DNAH9: variants seen among roughly 807,000 people sequenced by gnomAD.
DNAH9 encodes the protein DNAH9 variant protein.
A neutral mutation model predicts 471.6 loss-of-function variants in DNAH9; 345 were observed. That is an observed-to-expected ratio of 0.73 (90% CI 0.67 to 0.80). The LOEUF is 0.80. DNAH9 is among the 30% of genes least tolerant of loss of function. The pLI is 0.00. For missense variants in DNAH9, 5,407 were observed against 5,609.2 expected, an observed-to-expected ratio of 0.96 and a Z score of 1.15; for synonymous variants, 2,093 against 2,123.6, an observed-to-expected ratio of 0.99 and a Z score of 0.40.
At chr17:11,694,707 TC>T (rs1468636973) in intron 22 of DNAH9, among the ~76,000 whole-genome samples, 109 of 5,840 alleles carry the variant, frequency 0.019, 43 homozygotes, top group Non-Finnish European at 0.043. Flanking sequence ...GCTTTCTCTC[TC>T]TCTCTCTCTC....
intron 49 of DNAH9, among the ~76,000 whole-genome samples, chr17:11,844,091 A>C (rs1399943057): frequency 1.3e-5 from 2 of 151,454 alleles, no homozygotes; most frequent in East Asian, 3.9e-4. Context: ...AGAATAATAA[A>C]GAAATAAAAC....
At chr17:11,774,433 A>C (rs1968340277) in intron 38 of DNAH9, among the ~76,000 whole-genome samples, 1 of 152,208 alleles carries the variant, frequency 6.6e-6, no homozygotes, top group Admixed American at 6.5e-5. Flanking sequence ...ATGGACTCAC[A>C]GTTCCATATG....
chr17:11,875,263 C>A, intron 53 of DNAH9, 79 bp downstream of exon 53: 1 of 1,185,544 alleles, frequency 8.4e-7, no homozygotes, highest in East Asian at 2.5e-5. Flanking sequence ...ATTTTAAGCC[C>A]AGTGAATGGT....
At chr17:11,748,562 C>A (rs1228808086) in intron 32 of DNAH9, among the ~76,000 whole-genome samples, 11 of 152,100 alleles carry the variant, frequency 7.2e-5, no homozygotes, top group African/African-American at 1.9e-4. Flanking sequence ...TGCTACAGAA[C>A]CTTGTGCGCA....
rs554429555 is a variant in DNAH9 at position 11,868,952 on chromosome 17, C to T, written c.9934-182C>T. Among the ~76,000 whole-genome samples, 65 of 152,196 alleles carry T rather than the reference C, an allele frequency of 4.3e-4. 1 individual carries two copies. Among genetic ancestry groups the T allele is most frequent in the African/African-American group, 1.6e-3 (65 of 41,516 alleles). ...CCAAGATGAAGTCCTTGCTAGGACCCGCCTGAGATCTTCCCCGAATGTGCT... is the reference window on the plus strand; with the variant it reads ...CCAAGATGAAGTCCTTGCTAGGACCTGCCTGAGATCTTCCCCGAATGTGCT... On this transcript the variant is annotated intron_variant, in intron 50 of 68. Transcript: ENST00000262442.
intron 36 of DNAH9, 60 bp downstream of exon 36, chr17:11,763,674 C>G (rs1262443143): frequency 3.6e-5 from 54 of 1,505,006 alleles, no homozygotes; most frequent in Non-Finnish European, 4.3e-5. Flanking sequence ...AAAACTGATC[C>G]TTTAGCAAAG....
chr17:11,940,194 C>T (rs991073983), intron 66 of DNAH9, among the ~76,000 whole-genome samples: 2 of 152,168 alleles, frequency 1.3e-5, no homozygotes, highest in Admixed American at 6.5e-5. Flanking sequence ...CCCTTGGAAC[C>T]CACTCCTCCT....
intron 15 of DNAH9, among the ~76,000 whole-genome samples, chr17:11,667,899 C>T (rs1296656275): frequency 1.3e-5 from 2 of 152,192 alleles, no homozygotes; most frequent in Non-Finnish European, 2.9e-5. Flanking sequence ...GGTCAAATCC[C>T]AGTTATTACT....
chr17:11,824,905 T>TTCC (rs1387318453), intron 48 of DNAH9, among the ~76,000 whole-genome samples: 1 of 150,970 alleles, frequency 6.6e-6, no homozygotes, highest in Admixed American at 6.6e-5. Context: ...CCTTCTCCTC[T>TTCC]TCCTCCTCCT....
At chr17:11,956,406 C>T (rs903736873) in intron 67 of DNAH9, among the ~76,000 whole-genome samples, 1 of 151,946 alleles carries the variant, frequency 6.6e-6, no homozygotes, top group East Asian at 1.9e-4. Context: ...GGTTTCAAAA[C>T]TCCTCTCTCA....
chr17:11,876,973 G>C (rs1972512425), intron 53 of DNAH9, among the ~76,000 whole-genome samples: 1 of 151,788 alleles, frequency 6.6e-6, no homozygotes. Flanking sequence ...TGATCTGCCT[G>C]CCTCAGCCTC....
intron 3 of DNAH9, 39 bp from the exon 4 acceptor site, chr17:11,611,611 G>A (rs781273890): frequency 6.2e-7 from 1 of 1,605,122 alleles, no homozygotes; most frequent in South Asian, 1.1e-5. Context: ...TGCATTTCCT[G>A]ATGCTTCCCT....
chr17:11,931,270 C>T (rs962638481), intron 63 of DNAH9, among the ~76,000 whole-genome samples: 1 of 152,192 alleles, frequency 6.6e-6, no homozygotes, highest in Non-Finnish European at 1.5e-5. Context: ...GTCATCTTGT[C>T]ATAGTACCAG....
chr17:11,888,705 G>A (rs188167700), intron 57 of DNAH9, among the ~76,000 whole-genome samples: 35 of 152,306 alleles, frequency 2.3e-4, no homozygotes, highest in African/African-American at 8.2e-4. Context: ...ATGATAAGTA[G>A]CTGAAGTAAG....
intron 14 of DNAH9, among the ~76,000 whole-genome samples, chr17:11,655,840 C>A (rs2073632656): frequency 6.6e-6 from 1 of 151,678 alleles, no homozygotes; most frequent in Non-Finnish European, 1.5e-5. Flanking sequence ...AAGAATGATA[C>A]AATGGACTTT....
chr17:11,679,319 T>A (rs1431945264), intron 17 of DNAH9, among the ~76,000 whole-genome samples: 2 of 152,252 alleles, frequency 1.3e-5, no homozygotes, highest in Non-Finnish European at 2.9e-5. Flanking sequence ...TTTTCTATGC[T>A]TCTTTTCACA....
At chr17:11,777,249 T>C (rs1968470984) in intron 38 of DNAH9, among the ~76,000 whole-genome samples, 1 of 152,156 alleles carries the variant, frequency 6.6e-6, no homozygotes, top group African/African-American at 2.4e-5. Context: ...TAAAGGAAAA[T>C]TTGAGATCAA....
At chr17:11,926,073 G>T (rs974227826) in intron 62 of DNAH9, among the ~76,000 whole-genome samples, 1 of 135,256 alleles carries the variant, frequency 7.4e-6, no homozygotes, top group Non-Finnish European at 1.5e-5. Flanking sequence ...GCTGGGGGGG[G>T]AGGAATACAC....
intron 62 of DNAH9, among the ~76,000 whole-genome samples, chr17:11,924,685 G>A (rs867758495): frequency 1.2e-4 from 17 of 138,840 alleles, no homozygotes; most frequent in Admixed American, 8.5e-4. Context: ...GTGCAATGGC[G>A]CAATCTCAAC....
Sources: allele counts gnomAD v4.1 joint callset (sites outside exome capture counted in the v4.1 genomes callset), GRCh38; gene constraint gnomAD v4.1.1; transcripts MANE v1.5; gene names NCBI Gene and HGNC (gene_info 2026-07-23, HGNC 2026-07-21).